Variants in MCU observed in about 807,000 individuals in gnomAD.
MCU encodes mitochondrial calcium uniporter.
In MCU, 12 loss-of-function variants were observed where a neutral mutation model predicts 45.2. The observed-to-expected ratio is 0.27, with a 90% CI of 0.17 to 0.43. MCU has a LOEUF of 0.43. MCU is among the 20% of genes least tolerant of loss of function. The pLI is 1.00. For synonymous variants in MCU, 160 were observed against 165.1 expected, an observed-to-expected ratio of 0.97 and a Z score of 0.24; for missense variants, 324 against 436.7, an observed-to-expected ratio of 0.74 and a Z score of 2.30.
At chr10:72,769,103 C>T (rs1843769668) in intron 1 of MCU, among the ~76,000 whole-genome samples, 6 of 152,148 alleles carry the variant, frequency 3.9e-5, no homozygotes. Flanking sequence ...ATCCTCCCTC[C>T]TCAAAGCACT....
chr10:72,776,231 T>C (rs774245461), intron 1 of MCU, among the ~76,000 whole-genome samples: 2 of 151,518 alleles, frequency 1.3e-5, no homozygotes, highest in Non-Finnish European at 2.9e-5. Context: ...AGGCCAGGAT[T>C]ACCCTGATAC....
At chr10:72,742,035 A>AC (rs1554821444) in intron 1 of MCU, among the ~76,000 whole-genome samples, 3 of 151,604 alleles carry the variant, frequency 2.0e-5, no homozygotes, top group Admixed American at 6.6e-5. Flanking sequence ...AAAAAAAAAA[A>AC]AAAAAAAAAA....
At chr10:72,797,813 G>A (rs1844274544) in intron 1 of MCU, among the ~76,000 whole-genome samples, 1 of 152,074 alleles carries the variant, frequency 6.6e-6, no homozygotes, top group Admixed American at 6.5e-5. Flanking sequence ...GGGATTATAG[G>A]CGCCCAGCCC....
At chr10:72,761,538 C>A (rs1375908830) in intron 1 of MCU, among the ~76,000 whole-genome samples, 1 of 152,114 alleles carries the variant, frequency 6.6e-6, no homozygotes, top group Non-Finnish European at 1.5e-5. Flanking sequence ...TTCATGGGGA[C>A]CTGTCTTTTT....
rs754026436 is a variant in MCU at position 72,711,177 on chromosome 10, C to CAA, written c.150+18888_150+18889dup. Among the ~76,000 whole-genome samples, 439 of 108,516 alleles carry CAA rather than the reference C, an allele frequency of 4.0e-3. 2 individuals are homozygous for CAA. The highest frequency in any genetic ancestry group is 0.014 in the African/African-American group (416 of 29,442). 71.2% of individuals were successfully genotyped at this position (108,516 alleles called of 152,430 possible). On this transcript the variant is annotated intron_variant, in intron 1 of 7. Transcript: ENST00000373053. ...TGGCAACAAGAGCGAAACTCTGTCT[C>CAA]AAAAAAAAAAAAAGTATTACACTGT...
At chr10:72,879,422 A>G (rs1845666643) in intron 6 of MCU, among the ~76,000 whole-genome samples, 1 of 152,252 alleles carries the variant, frequency 6.6e-6, no homozygotes, top group African/African-American at 2.4e-5. Flanking sequence ...TCTCAATAGC[A>G]GCAATGAAAG....
At chr10:72,866,595 T>C (rs1156627072) in intron 4 of MCU, among the ~76,000 whole-genome samples, 1 of 151,832 alleles carries the variant, frequency 6.6e-6, no homozygotes, top group Non-Finnish European at 1.5e-5. Flanking sequence ...TGGGGTTTCA[T>C]CATGTTGGCC....
intron 1 of MCU, among the ~76,000 whole-genome samples, chr10:72,785,765 C>T (rs557482040): frequency 3.0e-4 from 46 of 152,230 alleles, no homozygotes; most frequent in African/African-American, 1.0e-3. Flanking sequence ...TTATTATGTA[C>T]GTATAGCTAC....
intron 1 of MCU, among the ~76,000 whole-genome samples, chr10:72,805,070 C>CTAGT (rs1387770440): frequency 2.4e-4 from 35 of 147,344 alleles, no homozygotes; most frequent in African/African-American, 8.6e-4. Flanking sequence ...TCACCTGGCC[C>CTAGT]TAGTTTGTTT....
chr10:72,749,678 T>A (rs1226644781), intron 1 of MCU, among the ~76,000 whole-genome samples: 3 of 152,142 alleles, frequency 2.0e-5, no homozygotes, highest in African/African-American at 7.2e-5. Context: ...ACAATAAATA[T>A]GTTACAGGAG....
In MCU at chr10:72,885,910, G is replaced by A. The variant is rs181170766; in HGVS notation, c.*88G>A. On this transcript the variant is annotated 3_prime_UTR_variant, in exon 8 of 8. Coordinates refer to ENST00000373053, the MANE Select transcript of MCU (RefSeq NM_138357.3). Reference sequence around the variant, plus strand: ...TGCAGGTGGAAGCTGGGAGCCATGTGGGGGGTAGAGCGTTTTTACCTTTAA... The same window carrying A: ...TGCAGGTGGAAGCTGGGAGCCATGTAGGGGGTAGAGCGTTTTTACCTTTAA... 9.9e-6 allele frequency: 10 copies of A among 1,011,360 alleles called. No individual in the cohort carries two copies. The Admixed American group carries it at 1.9e-4, about 20-fold the overall frequency. The allele number at this position is 1,011,360 out of a possible 1,614,324, so 62.6% of individuals were successfully genotyped here. A position where few individuals can be genotyped will look rare whatever the true frequency, so the allele number is the denominator to read the frequency against.
At chr10:72,772,670 C>A (rs1843829281) in intron 1 of MCU, among the ~76,000 whole-genome samples, 1 of 152,176 alleles carries the variant, frequency 6.6e-6, no homozygotes, top group Non-Finnish European at 1.5e-5. Flanking sequence ...GCACTCCAGC[C>A]TGGTGGGTGA....
chr10:72,800,998 G>T (rs1001818820), intron 1 of MCU, among the ~76,000 whole-genome samples: 3 of 151,694 alleles, frequency 2.0e-5, no homozygotes, highest in Non-Finnish European at 4.4e-5. Context: ...TACTTGAGAG[G>T]CTGAGGTGGA....
intron 1 of MCU, among the ~76,000 whole-genome samples, chr10:72,824,615 C>G (rs1314711587): frequency 6.6e-6 from 1 of 152,138 alleles, no homozygotes; most frequent in Non-Finnish European, 1.5e-5. Flanking sequence ...AAATAACTTA[C>G]AGTAAATGGA....
intron 2 of MCU, among the ~76,000 whole-genome samples, chr10:72,849,214 C>G (rs903969733): frequency 6.7e-6 from 1 of 148,566 alleles, no homozygotes; most frequent in Non-Finnish European, 1.5e-5. Flanking sequence ...CTGGGAGGCG[C>G]AGGTTGCCGT....
chr10:72,740,356 C>A (rs2132695780), intron 1 of MCU, among the ~76,000 whole-genome samples: 1 of 145,760 alleles, frequency 6.9e-6, no homozygotes, highest in South Asian at 2.2e-4. Context: ...TCCAGCCTGA[C>A]AACAGAGTGA....
At chr10:72,790,050 A>G (rs1052027602) in intron 1 of MCU, among the ~76,000 whole-genome samples, 1 of 152,158 alleles carries the variant, frequency 6.6e-6, no homozygotes, top group African/African-American at 2.4e-5. Flanking sequence ...GTTCTAATTC[A>G]GACAGTGGTT....
chr10:72,786,917 G>A (rs762729949), intron 1 of MCU, among the ~76,000 whole-genome samples: 3 of 152,098 alleles, frequency 2.0e-5, no homozygotes, highest in South Asian at 2.1e-4. Flanking sequence ...ATCACCAAAT[G>A]TGTGCTTTTC....
At chr10:72,774,754 A>G (rs188153978) in intron 1 of MCU, among the ~76,000 whole-genome samples, 1 of 152,308 alleles carries the variant, frequency 6.6e-6, no homozygotes, top group Admixed American at 6.5e-5. Context: ...CTATACTTAT[A>G]TTGAATAATA....
Sources: gnomAD v4.1 joint callset for allele counts (sites outside exome capture counted in the v4.1 genomes callset) on GRCh38, gnomAD v4.1.1 for gene constraint, MANE v1.5 for transcripts, NCBI Gene and HGNC (gene_info 2026-07-23, HGNC 2026-07-21) for gene names.